Variants in CRADD observed in about 807,000 individuals in gnomAD.
CRADD encodes CARD and death domain containing adaptor protein.
In CRADD, 9 loss-of-function variants were observed where a neutral mutation model predicts 15.5. The ratio of observed to expected loss-of-function variants is 0.58; its 90% confidence interval spans 0.35 to 1.01. The LOEUF (loss-of-function observed/expected upper bound fraction) is 1.01. Among genes scored for constraint, CRADD ranks in the 50% least tolerant of loss-of-function variants. The probability of loss-of-function intolerance (pLI) is 0.02; values close to 1 mark genes in which losing one functional copy is unlikely to be tolerated. For synonymous variants in CRADD, 118 were observed against 107.6 expected, an observed-to-expected ratio of 1.10 and a Z score of -0.60; for missense variants, 227 against 250.3, an observed-to-expected ratio of 0.91 and a Z score of 0.63.
chr12:93,718,266 C>T (rs775729477), intron 2 of CRADD, among the ~76,000 whole-genome samples: 49 of 152,176 alleles, frequency 3.2e-4, no homozygotes, highest in Middle Eastern at 3.2e-3. Flanking sequence ...GAATAGCTGA[C>T]ATTTTGACAG....
At chr12:93,866,270 T>C (rs900973662) in intron 2 of CRADD, among the ~76,000 whole-genome samples, 2 of 152,174 alleles carry the variant, frequency 1.3e-5, no homozygotes, top group African/African-American at 4.8e-5. Context: ...TGTTTGGATA[T>C]TGGACTTCCT....
At chr12:93,681,600 A>G (rs573483126) in intron 2 of CRADD, among the ~76,000 whole-genome samples, 1 of 152,334 alleles carries the variant, frequency 6.6e-6, no homozygotes, top group African/African-American at 2.4e-5. Flanking sequence ...ATTACAAAAT[A>G]TAAGTAAGAT....
chr12:93,855,965 G>A (rs1958270482), intron 2 of CRADD, among the ~76,000 whole-genome samples: 4 of 152,096 alleles, frequency 2.6e-5, no homozygotes, highest in Admixed American at 2.0e-4. Context: ...GTGCCACCAC[G>A]CCCAGCTAAT....
At chr12:93,784,122 TAGAG>T (rs1361644914) in intron 2 of CRADD, among the ~76,000 whole-genome samples, 4 of 152,140 alleles carry the variant, frequency 2.6e-5, no homozygotes, top group Non-Finnish European at 4.4e-5. Flanking sequence ...ATTTATGCCC[TAGAG>T]ATGTCTGACT....
At chr12:93,866,538 G>A (rs954503777) in intron 2 of CRADD, among the ~76,000 whole-genome samples, 1 of 152,036 alleles carries the variant, frequency 6.6e-6, no homozygotes, top group African/African-American at 2.4e-5. Flanking sequence ...TTTTCTCTAA[G>A]TTACTTTAAT....
At chr12:93,859,478 C>T (rs1958302127) in intron 2 of CRADD, 4 of 415,450 alleles carry the variant, frequency 9.6e-6, no homozygotes, top group Non-Finnish European at 1.9e-5. Context: ...TGGCATCAAA[C>T]TGTGAAAGAC....
chr12:93,891,276 G>A (rs1015734774), intron 2 of CRADD, among the ~76,000 whole-genome samples: 2 of 151,778 alleles, frequency 1.3e-5, no homozygotes, highest in Admixed American at 6.6e-5. Flanking sequence ...ATTGCTTGAG[G>A]CCAGGAGTTC....
intron 2 of CRADD, among the ~76,000 whole-genome samples, chr12:93,889,290 G>A (rs923110501): frequency 6.6e-6 from 1 of 152,142 alleles, no homozygotes; most frequent in African/African-American, 2.4e-5. Context: ...TACATAGAGA[G>A]ATGCCATGCA....
At chr12:93,884,864 G>T (rs1183044752) in intron 2 of CRADD, among the ~76,000 whole-genome samples, 3 of 152,110 alleles carry the variant, frequency 2.0e-5, no homozygotes, top group African/African-American at 7.2e-5. Flanking sequence ...CAGAGAGGGG[G>T]CTGAGTGCAC....
At chr12:93,693,391 G>A (rs1955620526) in intron 2 of CRADD, among the ~76,000 whole-genome samples, 1 of 151,984 alleles carries the variant, frequency 6.6e-6, no homozygotes, top group East Asian at 1.9e-4. Context: ...AAAATTAACG[G>A]GTAGAAAAAT....
chr12:93,818,517 C>T (rs1035198706), intron 2 of CRADD, among the ~76,000 whole-genome samples: 5 of 152,078 alleles, frequency 3.3e-5, no homozygotes, highest in South Asian at 2.1e-4. Flanking sequence ...CCTTCCTAGA[C>T]GGGTTTTGTC....
chr12:93,793,845 A>G (rs1351862261), intron 2 of CRADD, among the ~76,000 whole-genome samples: 2 of 152,174 alleles, frequency 1.3e-5, no homozygotes, highest in Non-Finnish European at 2.9e-5. Flanking sequence ...CTTGACTACT[A>G]TCCTACCTAC....
At chr12:93,883,727 G>GT (rs373070074) in intron 2 of CRADD, among the ~76,000 whole-genome samples, 19 of 152,288 alleles carry the variant, frequency 1.2e-4, no homozygotes, top group African/African-American at 4.3e-4. Context: ...TAGCTACTTG[G>GT]AAGGCTGAGG....
intron 2 of CRADD, among the ~76,000 whole-genome samples, chr12:93,680,022 G>A (rs1054411391): frequency 6.6e-6 from 1 of 152,200 alleles, no homozygotes; most frequent in African/African-American, 2.4e-5. Flanking sequence ...GAGGGTCTCA[G>A]TTTAATTTGA....
chr12:93,857,581 T>A (rs2137056609), intron 2 of CRADD, among the ~76,000 whole-genome samples: 1 of 152,340 alleles, frequency 6.6e-6, no homozygotes, highest in African/African-American at 2.4e-5. Context: ...CCATTTAGTG[T>A]TGCTACATGG....
chr12:93,729,061 G>C (rs997851367), intron 2 of CRADD, among the ~76,000 whole-genome samples: 1 of 152,066 alleles, frequency 6.6e-6, no homozygotes, highest in African/African-American at 2.4e-5. Flanking sequence ...TTCCACAGCA[G>C]AACAGATTAA....
At chr12:93,735,980 C>T (rs1375415454) in intron 2 of CRADD, among the ~76,000 whole-genome samples, 1 of 151,688 alleles carries the variant, frequency 6.6e-6, no homozygotes, top group Non-Finnish European at 1.5e-5. Context: ...TCCCTTGAAC[C>T]CTGGAGGCGG....
intron 2 of CRADD, chr12:93,859,361 C>T: frequency 2.2e-6 from 1 of 455,922 alleles, no homozygotes; most frequent in South Asian, 1.5e-5. Flanking sequence ...AGGGAATCAC[C>T]AATTTTCTAC....
chr12:93,850,780 T>A, downstream of CRADD: 1 of 949,482 alleles, frequency 1.1e-6, no homozygotes, highest in Non-Finnish European at 1.3e-6. The surrounding 1 kb of genome is among the most constrained non-coding windows in gnomAD (Gnocchi z 4.0). Context: ...TTTTTTTTTT[T>A]CTTTCTCATT....
Sources: allele counts gnomAD v4.1 joint callset (sites outside exome capture counted in the v4.1 genomes callset), GRCh38; gene constraint gnomAD v4.1.1; non-coding constraint Gnocchi (gnomAD v3.1); transcripts MANE v1.5; gene names NCBI Gene and HGNC (gene_info 2026-07-23, HGNC 2026-07-21).